TLE3: variants seen among roughly 807,000 people sequenced by gnomAD.
The protein encoded by TLE3 is TLE family member 3, transcriptional corepressor.
Under a neutral mutation model 93.0 loss-of-function variants are expected in TLE3, and 14 were observed. The observed-to-expected ratio is 0.15, with a 90% CI of 0.10 to 0.24. TLE3 has a LOEUF of 0.24. Among genes scored for constraint, TLE3 ranks in the 10% least tolerant of loss-of-function variants. TLE3 has a pLI of 1.00. For missense variants in TLE3, 693 were observed against 1,046.6 expected, an observed-to-expected ratio of 0.66 and a Z score of 4.66; for synonymous variants, 451 against 425.0, an observed-to-expected ratio of 1.06 and a Z score of -0.75.
chr15:70,054,799 A>G lies in TLE3; in HGVS notation c.1579-114T>C, dbSNP rs1290346710. 5.1e-6 allele frequency: 7 copies of G among 1,384,958 alleles called. No individual in the cohort carries two copies. In the East Asian group the frequency reaches 1.5e-4, roughly 30 times the overall value. The allele number at this position is 1,384,958 out of a possible 1,614,324, so 85.8% of individuals were successfully genotyped here. Reference sequence around the variant, plus strand: ...CCAGTCCTGCTTACAGCCTCCCCCTATACCCAGCAGCTGCCAGGCTGTCCC... The same window carrying G: ...CCAGTCCTGCTTACAGCCTCCCCCTGTACCCAGCAGCTGCCAGGCTGTCCC... On this transcript the variant is annotated intron_variant, in intron 15 of 19. Coordinates refer to ENST00000451782, the MANE Select transcript of TLE3 (RefSeq NM_001105192.3).
intron 15 of TLE3, 39 bp downstream of exon 15, chr15:70,055,010 C>T (rs779760645): frequency 6.4e-7 from 1 of 1,557,628 alleles, no homozygotes; most frequent in South Asian, 1.2e-5. Context: ...CATCCTCCTA[C>T]ACCAGCTGGA....
chr15:70,095,701 C>A, intron 2 of TLE3, 60 bp from the exon 3 acceptor site: 1 of 1,537,824 alleles, frequency 6.5e-7, no homozygotes, highest in Non-Finnish European at 8.8e-7. Context: ...TCTGAGGCCC[C>A]GACCCAAGGG....
At chr15:70,088,421 T>A (rs2058136004) in intron 4 of TLE3, among the ~76,000 whole-genome samples, 1 of 152,242 alleles carries the variant, frequency 6.6e-6, no homozygotes, top group Non-Finnish European at 1.5e-5. Flanking sequence ...AGAATTTTTT[T>A]TAAATATGTA....
At chr15:70,085,772 C>T (rs1366989879) in intron 4 of TLE3, among the ~76,000 whole-genome samples, 1 of 152,216 alleles carries the variant, frequency 6.6e-6, no homozygotes, top group East Asian at 1.9e-4. Flanking sequence ...CATTTCAAGT[C>T]TGGCTTCATG....
intron 3 of TLE3, chr15:70,095,325 A>G: frequency 7.1e-7 from 1 of 1,400,826 alleles, no homozygotes; most frequent in Non-Finnish European, 9.3e-7. Context: ...AAAGGCACAT[A>G]AAGATAGTAC....
At chr15:70,078,709 G>A (rs115512331) in intron 4 of TLE3, among the ~76,000 whole-genome samples, 38 of 152,332 alleles carry the variant, frequency 2.5e-4, no homozygotes, top group African/African-American at 8.7e-4. Context: ...GCACCTCCAA[G>A]CCAGGCCAAT....
intron 4 of TLE3, 68 bp from the exon 5 acceptor site, chr15:70,076,226 G>A: frequency 6.8e-7 from 1 of 1,479,274 alleles, no homozygotes; most frequent in East Asian, 2.3e-5. Context: ...TCATAGGCAA[G>A]TGGAAATGCA....
intron 8 of TLE3, among the ~76,000 whole-genome samples, chr15:70,062,461 C>T (rs531186976): frequency 5.8e-4 from 88 of 152,342 alleles, no homozygotes; most frequent in African/African-American, 2.0e-3. Context: ...GCTCTTTCTT[C>T]TCATGCAGTC....
Position 70,048,928 on chromosome 15 carries a change from G to T in TLE3, c.*1169C>A, listed in dbSNP as rs1474208431. The T allele has an allele frequency of 6.6e-6, 1 of 151,826 alleles. No individual in the cohort carries two copies. The highest frequency in any genetic ancestry group is 1.5e-5 in the Non-Finnish European group (1 of 67,968). The allele number at this position is 151,826 out of a possible 1,614,324, so 9.4% of individuals were successfully genotyped here. ...CACTTTCCCCCCTCTAAGGGGAGAG[G>T]AAGAGACTGTAGGCGGGAAGGGGGA... On this transcript the variant is annotated 3_prime_UTR_variant, in exon 20 of 20. Transcript: ENST00000451782.
At chr15:70,055,678 C>A (rs537766357) in intron 14 of TLE3, 44 of 213,096 alleles carry the variant, frequency 2.1e-4, no homozygotes, top group African/African-American at 9.0e-4. Context: ...CTGCTTGCCC[C>A]TGCAATAGCA....
intron 14 of TLE3, chr15:70,055,556 C>A: frequency 7.5e-6 from 3 of 401,866 alleles, no homozygotes; most frequent in South Asian, 9.2e-5. Context: ...CACAGGTGTC[C>A]TGGAATGCCC....
At chr15:70,070,164 G>A (rs983385640) in intron 6 of TLE3, among the ~76,000 whole-genome samples, 6 of 152,294 alleles carry the variant, frequency 3.9e-5, no homozygotes, top group Non-Finnish European at 7.3e-5. Context: ...CCCATGCATG[G>A]GCGTTCACTT....
At chr15:70,053,154 G>T in intron 17 of TLE3, 73 bp downstream of exon 17, 1 of 1,527,796 alleles carries the variant, frequency 6.5e-7, no homozygotes, top group South Asian at 1.3e-5. Context: ...CTTTGTCCCT[G>T]ACCCAGCCAC....
intron 6 of TLE3, among the ~76,000 whole-genome samples, chr15:70,073,848 A>G (rs1221209048): frequency 6.6e-6 from 1 of 152,246 alleles, no homozygotes; most frequent in Non-Finnish European, 1.5e-5. Flanking sequence ...CATTAAAGAT[A>G]CAAGCCAGGT....
intron 18 of TLE3, among the ~76,000 whole-genome samples, chr15:70,051,703 G>C (rs897752487): frequency 6.6e-6 from 1 of 152,198 alleles, no homozygotes; most frequent in African/African-American, 2.4e-5. Flanking sequence ...AGGATTTGAA[G>C]TTCATTGCAG....
intron 8 of TLE3, among the ~76,000 whole-genome samples, chr15:70,062,399 G>A (rs1159401389): frequency 3.3e-5 from 5 of 152,182 alleles, no homozygotes; most frequent in Non-Finnish European, 7.3e-5. Context: ...GGGGGCGTGC[G>A]GCTGCTCGTG....
At chr15:70,092,626 A>C (rs1484449902) in intron 4 of TLE3, among the ~76,000 whole-genome samples, 1 of 152,220 alleles carries the variant, frequency 6.6e-6, no homozygotes, top group African/African-American at 2.4e-5. Context: ...TTCTCCCCTT[A>C]AGAACCTTGT....
rs893233239 is a variant in TLE3, at chr15:70,055,211, C to T, written c.1416G>A (p.Arg472=). 2 of 1,613,806 alleles carry T rather than the reference C, an allele frequency of 1.2e-6. No homozygotes were observed. The highest frequency in any genetic ancestry group is 1.7e-6 in the Non-Finnish European group (2 of 1,179,914). The change falls in exon 15 of 20, where the codon AGG becomes AGA. Residue 472 remains arginine (R), a synonymous_variant. Coordinates refer to ENST00000451782, the MANE Select transcript of TLE3 (RefSeq NM_001105192.3). ...HDALAGPGIP[R]HARQINTLSH... ...TGAGTGTGTTGATCTGCCGGGCGTG[C>T]CTCGGGATGCCGGGGCCTGCCAGGG... is the stretch of plus-strand genomic sequence containing the variant.
intron 2 of TLE3, chr15:70,095,897 C>G: frequency 1.6e-6 from 1 of 623,554 alleles, no homozygotes; most frequent in Non-Finnish European, 2.7e-6. Flanking sequence ...CGCTGGCTCC[C>G]GACACCCAGA....
Sources: allele counts gnomAD v4.1 joint callset (sites outside exome capture counted in the v4.1 genomes callset), GRCh38; gene constraint gnomAD v4.1.1; transcripts MANE v1.5; gene names NCBI Gene and HGNC (gene_info 2026-07-23, HGNC 2026-07-21).